The following CADPS2 variants were observed in gnomAD, a reference collection of about 807,000 sequenced individuals.
CADPS2 encodes calcium-dependent secretion activator 2.
In CADPS2, 93 loss-of-function variants were observed where a neutral mutation model predicts 172.5. The observed-to-expected ratio is 0.54, with a 90% CI of 0.46 to 0.64. The LOEUF (loss-of-function observed/expected upper bound fraction) is 0.64. CADPS2 is among the 30% of genes least tolerant of loss of function. The probability of loss-of-function intolerance (pLI) is 0.00; values close to 1 mark genes in which losing one functional copy is unlikely to be tolerated. For synonymous variants in CADPS2, 546 were observed against 555.2 expected (o/e 0.98, Z 0.23); for missense variants, 1,420 against 1,565.9 (o/e 0.91, Z 1.57).
At chr7:122,687,051 T>C (rs982436582) in intron 2 of CADPS2, among the ~76,000 whole-genome samples, 15 of 152,092 alleles carry the variant, frequency 9.9e-5, no homozygotes, top group Non-Finnish European at 1.9e-4. Flanking sequence ...AATTACACAA[T>C]TTTTTACCCC....
chr7:122,366,610 T>TACAC (rs200926726), intron 25 of CADPS2, among the ~76,000 whole-genome samples: 2,452 of 126,158 alleles, frequency 0.019, 41 homozygotes, highest in African/African-American at 0.041. Flanking sequence ...ATCTCAAAAA[T>TACAC]ACACACACAC....
At chr7:122,822,046 C>T (rs1423722035) in intron 1 of CADPS2, among the ~76,000 whole-genome samples, 4 of 152,002 alleles carry the variant, frequency 2.6e-5, no homozygotes, top group South Asian at 2.1e-4. Flanking sequence ...TCATACACGC[C>T]CTGCTCTTGT....
intron 2 of CADPS2, among the ~76,000 whole-genome samples, chr7:122,680,209 G>A (rs899694356): frequency 2.0e-5 from 3 of 152,128 alleles, no homozygotes; most frequent in Non-Finnish European, 2.9e-5. Context: ...AAAAACACTC[G>A]TTTAAACAAT....
At position 122,663,576 on chromosome 7, in the gene CADPS2, AC is replaced by A; in HGVS notation, c.454-8del. On this transcript the variant is annotated splice_polypyrimidine_tract_variant and splice_region_variant and intron_variant, in intron 2 of 29. Coordinates refer to ENST00000449022, the MANE Select transcript of CADPS2 (RefSeq NM_017954.11). ...GGTCACTCTTTAGAAAAACCTGAAA[AC>A]AAAACAAAACAAAACAAAACAAAAA... The A allele has an allele frequency of 3.3e-6, 5 of 1,521,308 alleles. No homozygotes were observed. Among genetic ancestry groups the A allele is most frequent in the Non-Finnish European group, 4.4e-6 (5 of 1,126,840 alleles). The allele number at this position is 1,521,308 out of a possible 1,614,324, so 94.2% of individuals were successfully genotyped here.
chr7:122,617,894 T>C (rs555130713), intron 5 of CADPS2, among the ~76,000 whole-genome samples: 1 of 152,040 alleles, frequency 6.6e-6, no homozygotes, highest in Non-Finnish European at 1.5e-5. Flanking sequence ...ATACAAAAAA[T>C]TAGCCTGGCT....
chr7:122,501,655 C>T (rs2059209021), intron 9 of CADPS2, among the ~76,000 whole-genome samples: 1 of 151,960 alleles, frequency 6.6e-6, no homozygotes, highest in African/African-American at 2.4e-5. Flanking sequence ...CGAGACCATC[C>T]TGGCTAACAC....
chr7:122,863,123 C>T (rs1585005244), intron 1 of CADPS2, among the ~76,000 whole-genome samples: 1 of 152,196 alleles, frequency 6.6e-6, no homozygotes, highest in East Asian at 1.9e-4. Context: ...AATATCACAA[C>T]CATTATTGCT....
At chr7:122,620,697 T>C (rs1224606064) in intron 5 of CADPS2, among the ~76,000 whole-genome samples, 1 of 152,190 alleles carries the variant, frequency 6.6e-6, no homozygotes. Context: ...AATTATCTAT[T>C]TCTCATCATC....
chr7:122,606,940 T>C (rs993237413), intron 6 of CADPS2, among the ~76,000 whole-genome samples: 9 of 152,020 alleles, frequency 5.9e-5, no homozygotes, highest in Non-Finnish European at 2.9e-5. Context: ...ATGTTAGAGG[T>C]CCCTGGCAGT....
intron 14 of CADPS2, among the ~76,000 whole-genome samples, chr7:122,469,003 T>C (rs2055539649): frequency 6.6e-6 from 1 of 152,220 alleles, no homozygotes; most frequent in South Asian, 2.1e-4. Context: ...GTTTAAACTT[T>C]GGGAAAGTGG....
In CADPS2 at chr7:122,679,265, T is replaced by TGGC. The variant is rs1554715350; in HGVS notation, c.454-15697_454-15696insGCC. Among the ~76,000 whole-genome samples, 5 of 39,146 alleles carry TGGC rather than the reference T, an allele frequency of 1.3e-4. 1 individual carries two copies. The South Asian group carries it at 2.8e-3, about 22-fold the overall frequency. The allele number at this position is 39,146 out of a possible 152,430, so 25.7% of individuals were successfully genotyped here. A position where few individuals can be genotyped will look rare whatever the true frequency, so the allele number is the denominator to read the frequency against. ...CAGCCCTGGGAAAAGAATGCATTCC[T>TGGC]GGGGGGGGGGGGCTCTAAAATGGCC... On this transcript the variant is annotated intron_variant, in intron 2 of 29. Transcript: ENST00000449022.
At chr7:122,474,670 AT>A in intron 12 of CADPS2, 153 bp from the exon 13 acceptor site, 1 of 673,100 alleles carries the variant, frequency 1.5e-6, no homozygotes, top group Middle Eastern at 4.0e-4. Flanking sequence ...ATTAACATAA[AT>A]TGCAAACTTT....
intron 1 of CADPS2, among the ~76,000 whole-genome samples, chr7:122,790,740 G>C (rs982699253): frequency 6.6e-6 from 1 of 152,088 alleles, no homozygotes; most frequent in South Asian, 2.1e-4. Flanking sequence ...TCTGAAATTT[G>C]TTTTAAGATA....
chr7:122,707,008 T>A (rs1235815235), intron 2 of CADPS2, among the ~76,000 whole-genome samples: 1 of 151,730 alleles, frequency 6.6e-6, no homozygotes, highest in Admixed American at 6.6e-5. Context: ...TTTCCCTGGC[T>A]GAGCACATGG....
chr7:122,549,513 T>C (rs2063985965), intron 8 of CADPS2, among the ~76,000 whole-genome samples: 1 of 151,938 alleles, frequency 6.6e-6, no homozygotes, highest in South Asian at 2.1e-4. Flanking sequence ...CTCAGCTACT[T>C]GGGAGACTGA....
At chr7:122,723,817 GCACATATA>G (rs1267092093) in intron 2 of CADPS2, among the ~76,000 whole-genome samples, 2 of 152,052 alleles carry the variant, frequency 1.3e-5, no homozygotes, top group Non-Finnish European at 2.9e-5. Context: ...AGAAAATGTG[GCACATATA>G]CACCATGGAA....
intron 3 of CADPS2, among the ~76,000 whole-genome samples, chr7:122,660,835 G>A (rs191435422): frequency 3.3e-5 from 5 of 152,062 alleles, no homozygotes; most frequent in Admixed American, 2.6e-4. Context: ...ACCTGAACCC[G>A]GGAGGTGGAG....
At chr7:122,330,421 T>C (rs749984351) in intron 28 of CADPS2, among the ~76,000 whole-genome samples, 22 of 152,320 alleles carry the variant, frequency 1.4e-4, no homozygotes, top group Middle Eastern at 3.4e-3. Context: ...TGTGGCTCTG[T>C]TTCACTCATT....
chr7:122,541,693 A>T (rs1010155236), intron 8 of CADPS2, among the ~76,000 whole-genome samples: 3 of 145,624 alleles, frequency 2.1e-5, no homozygotes, highest in Non-Finnish European at 4.5e-5. Context: ...TTATTCATAT[A>T]TGTTTATATA....
Sources: gnomAD v4.1 joint callset for allele counts (sites outside exome capture counted in the v4.1 genomes callset) on GRCh38, gnomAD v4.1.1 for gene constraint, MANE v1.5 for transcripts, NCBI Gene and HGNC (gene_info 2026-07-23, HGNC 2026-07-21) for gene names.